PTTG1IP2: variants seen among roughly 807,000 people sequenced by gnomAD.
PTTG1IP2 encodes PTTG1IP family member 2.
intron 1 of PTTG1IP2, among the ~76,000 whole-genome samples, chr7:90,470,929 C>T (rs186725329): frequency 5.9e-5 from 8 of 136,584 alleles, no homozygotes; most frequent in Admixed American, 2.4e-4. Flanking sequence ...AAATTTTTCA[C>T]GTCTTAAGAC....
chr7:90,473,404 G>A (rs991388819), intron 1 of PTTG1IP2, among the ~76,000 whole-genome samples: 4 of 152,054 alleles, frequency 2.6e-5, no homozygotes, highest in Non-Finnish European at 4.4e-5. Context: ...AAGGAGGAGG[G>A]GACTCAGTCC....
intron 6 of PTTG1IP2, among the ~76,000 whole-genome samples, chr7:90,504,668 T>C (rs1192252255): frequency 6.6e-6 from 1 of 152,194 alleles, no homozygotes; most frequent in African/African-American, 2.4e-5. Flanking sequence ...GATCACTGAA[T>C]GGCTTGGAAG....
chr7:90,480,400 G>A lies in PTTG1IP2; in HGVS notation c.192+1126G>A, dbSNP rs375995635. Among the ~76,000 whole-genome samples the A allele has an allele frequency of 1.3e-4, 19 of 151,708 alleles. No individual in the cohort carries two copies. In the East Asian group the frequency reaches 1.7e-3, roughly 14 times the overall value. ...CAATATTCTTCCAGTTTTTGTTGTC[G>A]TTAAATGTTTTATAAAGGAAATTTT... On this transcript the variant is annotated intron_variant, in intron 2 of 6. Transcript: ENST00000509356.
intron 1 of PTTG1IP2, among the ~76,000 whole-genome samples, chr7:90,477,881 A>T (rs1797767619): frequency 6.6e-6 from 1 of 151,988 alleles, no homozygotes; most frequent in Non-Finnish European, 1.5e-5. Flanking sequence ...GCGGATCACG[A>T]GGTCAGGAGA....
intron 4 of PTTG1IP2, among the ~76,000 whole-genome samples, chr7:90,491,274 T>C (rs1018266299): frequency 1.3e-5 from 2 of 152,224 alleles, no homozygotes; most frequent in African/African-American, 4.8e-5. Context: ...CAAATATTTA[T>C]TGAGTATTTA....
intron 6 of PTTG1IP2, among the ~76,000 whole-genome samples, chr7:90,496,423 G>A (rs17866076): frequency 0.018 from 2,684 of 152,094 alleles, 87 homozygotes; most frequent in African/African-American, 0.061. Flanking sequence ...TATCCCATTT[G>A]TTGGTGTATA....
chr7:90,488,262 A>G (rs1440210794), intron 3 of PTTG1IP2, among the ~76,000 whole-genome samples: 1 of 152,012 alleles, frequency 6.6e-6, no homozygotes. Context: ...TATCAGATAT[A>G]TTTAAATCAT....
chr7:90,484,127 A>C (rs1584693471), intron 2 of PTTG1IP2, among the ~76,000 whole-genome samples: 1 of 149,920 alleles, frequency 6.7e-6, no homozygotes, highest in East Asian at 1.9e-4. Flanking sequence ...TTACTTGTTT[A>C]TTTCTGGTAC....
chr7:90,494,703 G>A (rs1456404649), intron 6 of PTTG1IP2, among the ~76,000 whole-genome samples: 2 of 152,112 alleles, frequency 1.3e-5, no homozygotes, highest in African/African-American at 4.8e-5. Flanking sequence ...ACAATATAGC[G>A]AGATTCCATG....
At chr7:90,507,553 T>C (rs905890884) in intron 6 of PTTG1IP2, among the ~76,000 whole-genome samples, 2 of 152,188 alleles carry the variant, frequency 1.3e-5, no homozygotes, top group African/African-American at 4.8e-5. Flanking sequence ...ATGGTGATTC[T>C]TGGGCTCTCG....
At chr7:90,506,245 T>C (rs889195783) in intron 6 of PTTG1IP2, among the ~76,000 whole-genome samples, 2 of 152,142 alleles carry the variant, frequency 1.3e-5, no homozygotes, top group East Asian at 3.8e-4. Context: ...TGCACTTTTT[T>C]TTCACTGAAA....
At chr7:90,474,677 G>T (rs1382263128) in intron 1 of PTTG1IP2, among the ~76,000 whole-genome samples, 2 of 152,154 alleles carry the variant, frequency 1.3e-5, no homozygotes, top group South Asian at 2.1e-4. Context: ...GCCTGGAAGG[G>T]CAGGAAAAGA....
intron 6 of PTTG1IP2, among the ~76,000 whole-genome samples, chr7:90,506,387 A>G (rs1798125321): frequency 6.6e-6 from 1 of 152,128 alleles, no homozygotes; most frequent in Admixed American, 6.5e-5. Context: ...CATACATGCC[A>G]GTTTGGTATT....
chr7:90,492,541 G>A (rs1025784133), intron 5 of PTTG1IP2, among the ~76,000 whole-genome samples: 1 of 152,130 alleles, frequency 6.6e-6, no homozygotes, highest in African/African-American at 2.4e-5. Flanking sequence ...ATTTCAGCCT[G>A]GGCCACAGAG....
intron 6 of PTTG1IP2, among the ~76,000 whole-genome samples, chr7:90,501,958 G>A (rs1468986953): frequency 6.6e-6 from 1 of 152,112 alleles, no homozygotes; most frequent in East Asian, 1.9e-4. Flanking sequence ...CCATGATGTT[G>A]GTTTATCAAT....
chr7:90,510,128 G>A (rs866758674), intron 6 of PTTG1IP2, among the ~76,000 whole-genome samples: 2 of 152,190 alleles, frequency 1.3e-5, no homozygotes, highest in African/African-American at 4.8e-5. Flanking sequence ...GTGGGAAAGA[G>A]CACTGGGATC....
intron 6 of PTTG1IP2, among the ~76,000 whole-genome samples, chr7:90,501,060 T>C (rs1798055694): frequency 6.6e-6 from 1 of 152,186 alleles, no homozygotes; most frequent in Non-Finnish European, 1.5e-5. Context: ...TTTGAATTGA[T>C]TTTACCTTGG....
At chr7:90,494,502 G>A (rs1234197253) in intron 6 of PTTG1IP2, 72 bp downstream of exon 6, 1 of 152,088 alleles carries the variant, frequency 6.6e-6, no homozygotes, top group Admixed American at 6.5e-5. Flanking sequence ...CACTTTTCAG[G>A]AATATAATTA....
intron 1 of PTTG1IP2, among the ~76,000 whole-genome samples, chr7:90,470,963 C>CAAAAAAAAAAAAAAAAGAA (rs1797677765): frequency 9.2e-6 from 1 of 108,110 alleles, no homozygotes; most frequent in Non-Finnish European, 2.0e-5. Context: ...TGATGAAGAA[C>CAAAAAAAAAAAAAAAAGAA]AAAAAAAAAA....
Sources: allele counts gnomAD v4.1 joint callset (sites outside exome capture counted in the v4.1 genomes callset), GRCh38; gene constraint gnomAD v4.1.1; transcripts MANE v1.5; gene names NCBI Gene and HGNC (gene_info 2026-07-23, HGNC 2026-07-21).